The following PRH1 variants were observed in gnomAD, a reference collection of about 807,000 sequenced individuals.
PRH1 encodes the protein proline rich protein HaeIII subfamily 1, also known as salivary acidic proline-rich phosphoprotein 1/2.
Under a neutral mutation model 7.9 loss-of-function variants are expected in PRH1, and 7 were observed. That is an observed-to-expected ratio of 0.89 (90% CI 0.50 to 1.67). The LOEUF (loss-of-function observed/expected upper bound fraction) is 1.67. Among genes scored for constraint, PRH1 ranks in the 40% most tolerant of loss-of-function variants. The pLI, the probability that PRH1 is intolerant of heterozygous loss-of-function variation, is 0.00. For missense variants in PRH1, 109 were observed against 223.6 expected, an observed-to-expected ratio of 0.49 and a Z score of 3.27; for synonymous variants, 45 against 80.8, an observed-to-expected ratio of 0.56 and a Z score of 2.38.
intron 1 of PRH1, among the ~76,000 whole-genome samples, chr12:11,153,856 A>G (rs1423866454): frequency 6.6e-6 from 1 of 152,202 alleles, no homozygotes; most frequent in African/African-American, 2.4e-5. Flanking sequence ...ATGGGTAGAT[A>G]TAACAATATA....
intron 2 of PRH1, among the ~76,000 whole-genome samples, chr12:10,945,401 G>A (rs1486245470): frequency 6.6e-6 from 1 of 152,118 alleles, no homozygotes; most frequent in African/African-American, 2.4e-5. Context: ...TTTAAAGCTG[G>A]TGTCTGGGGG....
chr12:10,884,257 G>T (rs763972286), upstream of PRH1: 6 of 1,613,654 alleles, frequency 3.7e-6, 1 homozygote, highest in Admixed American at 1.0e-4. Context: ...CTTTGTGCTG[G>T]GAGAAACGTG....
intron 1 of PRH1, among the ~76,000 whole-genome samples, chr12:10,980,551 A>T: frequency 6.6e-6 from 1 of 152,086 alleles, no homozygotes; most frequent in South Asian, 2.1e-4. Context: ...GAAATATGTA[A>T]ATAGATGTAC....
At chr12:10,892,269 T>C (rs4763589) in intron 2 of PRH1, among the ~76,000 whole-genome samples, 75,451 of 152,078 alleles carry the variant, frequency 0.5, 20,963 homozygotes, top group East Asian at 0.72. Context: ...CAACATCCAT[T>C]CCCAAGATCA....
chr12:10,932,716 AT>A (rs1051061891), intron 2 of PRH1, among the ~76,000 whole-genome samples: 2 of 152,048 alleles, frequency 1.3e-5, no homozygotes, highest in African/African-American at 4.8e-5. Context: ...ATTTTCCCCT[AT>A]TTTATCACTG....
chr12:11,043,636 A>G (rs1195338161), intron 1 of PRH1, among the ~76,000 whole-genome samples: 10 of 152,126 alleles, frequency 6.6e-5, no homozygotes, highest in Non-Finnish European at 8.8e-5. Flanking sequence ...TAGTATTTCT[A>G]TATGTCAATA....
chr12:11,080,841 T>G (rs762915638), intron 1 of PRH1, among the ~76,000 whole-genome samples: 1 of 117,268 alleles, frequency 8.5e-6, no homozygotes, highest in Admixed American at 8.5e-5. Flanking sequence ...TTCCCATGAT[T>G]CCATTGCATT....
chr12:11,133,855 C>T (rs750490142), intron 1 of PRH1: 3 of 1,613,960 alleles, frequency 1.9e-6, no homozygotes, highest in African/African-American at 1.3e-5. Context: ...ACAGTATCAC[C>T]AGAACAACAC....
chr12:11,058,978 C>G (rs1251835128), intron 1 of PRH1, among the ~76,000 whole-genome samples: 2 of 152,190 alleles, frequency 1.3e-5, no homozygotes, highest in Non-Finnish European at 2.9e-5. Context: ...TCCAGATCAT[C>G]CTTCCATTTG....
At chr12:10,982,007 T>C (rs956429487) in intron 1 of PRH1, among the ~76,000 whole-genome samples, 2 of 151,972 alleles carry the variant, frequency 1.3e-5, no homozygotes, top group African/African-American at 4.8e-5. Flanking sequence ...GAGTATGAGT[T>C]TTTGAAGATC....
At chr12:10,929,392 G>C (rs1392526115) in intron 2 of PRH1, 1 of 1,604,712 alleles carries the variant, frequency 6.2e-7, no homozygotes, top group East Asian at 2.2e-5. Flanking sequence ...ACGGGCGAAT[G>C]CTATAGAGGG....
chr12:10,937,829 T>C (rs1193726950), intron 2 of PRH1: 1 of 153,696 alleles, frequency 6.5e-6, no homozygotes, highest in East Asian at 1.9e-4. Flanking sequence ...TACTAAATAT[T>C]ATACAAAAAT....
intron 2 of PRH1, among the ~76,000 whole-genome samples, chr12:10,966,534 C>T (rs1467771465): frequency 6.6e-6 from 1 of 152,202 alleles, no homozygotes; most frequent in Non-Finnish European, 1.5e-5. Flanking sequence ...CTGATCCAGC[C>T]TACTTTGTCC....
At chr12:11,076,189 CAG>C (rs1944282631) in intron 1 of PRH1, among the ~76,000 whole-genome samples, 1 of 133,522 alleles carries the variant, frequency 7.5e-6, no homozygotes, top group Non-Finnish European at 1.7e-5. Flanking sequence ...TTTAGCTGTT[CAG>C]CAAGGCTGTA....
At chr12:11,037,870 C>T (rs201681419) in intron 1 of PRH1, among the ~76,000 whole-genome samples, 1 of 151,760 alleles carries the variant, frequency 6.6e-6, no homozygotes, top group Non-Finnish European at 1.5e-5. Flanking sequence ...CAAAACCTTG[C>T]CTCTAAAAAA....
chr12:11,034,030 C>G (rs1389601999), intron 1 of PRH1, among the ~76,000 whole-genome samples: 1 of 129,772 alleles, frequency 7.7e-6, no homozygotes, highest in Non-Finnish European at 1.6e-5. Context: ...TGGTTATTTC[C>G]TCAATTTTCT....
chr12:10,964,364 T>A (rs568209884), intron 2 of PRH1: 17 of 213,784 alleles, frequency 8.0e-5, no homozygotes, highest in Admixed American at 2.6e-4. Flanking sequence ...TATAAAATGT[T>A]CCAGACAACA....
chr12:11,119,329 T>G (rs1281283067), downstream of PRH1, among the ~76,000 whole-genome samples: 4 of 144,726 alleles, frequency 2.8e-5, no homozygotes, highest in Non-Finnish European at 6.1e-5. Context: ...AAAAAAAAAA[T>G]AGAAAGAGTG....
At chr12:10,940,556 A>G (rs987543290) in intron 2 of PRH1, among the ~76,000 whole-genome samples, 3 of 152,150 alleles carry the variant, frequency 2.0e-5, no homozygotes, top group African/African-American at 7.2e-5. Flanking sequence ...AGTAGGGCAT[A>G]TTGCTTCATC....
Sources: allele counts gnomAD v4.1 joint callset (sites outside exome capture counted in the v4.1 genomes callset), GRCh38; gene constraint gnomAD v4.1.1; transcripts MANE v1.5; gene names NCBI Gene and HGNC (gene_info 2026-07-23, HGNC 2026-07-21).